The following CLCA2 variants were observed in gnomAD, a reference collection of about 807,000 sequenced individuals.
CLCA2 encodes chloride channel accessory 2.
Under a neutral mutation model 82.9 loss-of-function variants are expected in CLCA2, and 85 were observed. That is an observed-to-expected ratio of 1.03 (90% CI 0.86 to 1.23). The LOEUF is 1.23. Ranked by LOEUF, CLCA2 falls within the 50% of genes most tolerant of loss-of-function variation. The pLI is 0.00. For missense variants in CLCA2, 1,089 were observed against 1,124.8 expected (o/e 0.97, Z 0.45); for synonymous variants, 421 against 391.7 (o/e 1.07, Z -0.88).
intron 6 of CLCA2, among the ~76,000 whole-genome samples, chr1:86,437,115 A>G (rs897554089): frequency 4.6e-5 from 7 of 152,226 alleles, no homozygotes; most frequent in African/African-American, 1.7e-4. Context: ...GGTACTTGAG[A>G]GTATCATCTG....
At position 86,434,711 on chromosome 1, in the gene CLCA2, G is replaced by T. The variant is rs923840689; in HGVS notation, c.938G>T (p.Cys313Phe). The T allele has an allele frequency of 1.2e-6, 2 of 1,613,988 alleles. No individual in the cohort carries two copies. The highest frequency in any genetic ancestry group is 2.7e-5 in the African/African-American group (2 of 75,044). ...SLVQAGDKVV[C>F]LVLDVSSKMA... ...GTACAGGCTGGTGACAAAGTGGTCT[G>T]TTTAGTGCTGGATGTGTCCAGCAAG... The change falls in exon 6 of 14, where the codon TGT becomes TTT. Residue 313 changes from cysteine (C) to phenylalanine (F), a missense_variant. By Grantham distance (205) the Cys-to-Phe change is radical (BLOSUM62 -2). Coordinates refer to ENST00000370565, the MANE Select transcript of CLCA2 (RefSeq NM_006536.7).
intron 12 of CLCA2, 51 bp from the exon 13 acceptor site, chr1:86,453,318 C>A: frequency 1.4e-6 from 2 of 1,424,818 alleles, no homozygotes; most frequent in Non-Finnish European, 2.0e-6. Flanking sequence ...ACAAGCTATT[C>A]AGAAGCTTTG....
At chr1:86,444,870 A>G (rs1662813565) in intron 10 of CLCA2, among the ~76,000 whole-genome samples, 1 of 129,320 alleles carries the variant, frequency 7.7e-6, no homozygotes, top group South Asian at 2.7e-4. Flanking sequence ...ATGCTGCCCC[A>G]CCCCCACTTT....
chr1:86,449,338 C>G (rs902527248), intron 11 of CLCA2, among the ~76,000 whole-genome samples: 2 of 152,194 alleles, frequency 1.3e-5, no homozygotes, highest in African/African-American at 4.8e-5. Context: ...TACTAAGTGA[C>G]AGATGCAGGC....
intron 2 of CLCA2, 119 bp from the exon 3 acceptor site, chr1:86,428,299 A>T: frequency 1.1e-6 from 1 of 924,018 alleles, no homozygotes; most frequent in Non-Finnish European, 1.5e-6. Context: ...GGTTATAATT[A>T]CATACAATAA....
At chr1:86,429,136 A>G (rs1662445064) in intron 3 of CLCA2, among the ~76,000 whole-genome samples, 1 of 152,136 alleles carries the variant, frequency 6.6e-6, no homozygotes, top group South Asian at 2.1e-4. Flanking sequence ...TCCTCTGATC[A>G]ATGAAGGAGA....
In CLCA2 at chr1:86,441,528, C is replaced by A; in HGVS notation, c.1473C>A (p.Phe491Leu). The change falls in exon 9 of 14, where the codon TTC (phenylalanine) becomes TTA (leucine). Residue 491 changes from phenylalanine to leucine, a missense_variant. By Grantham distance (22) the Phe-to-Leu change is conservative. Transcript: ENST00000370565. ...SRISSGTGDI[F>L]QQHIQLESTG... is the part of the protein sequence containing the mutation. ...TTTCCTCTGGAACTGGAGACATTTT[C>A]CAGCAACATATTCAGGTCAGAATTT... is the stretch of plus-strand genomic sequence containing the variant. 1 of 1,609,024 alleles carries A rather than the reference C, an allele frequency of 6.2e-7. No individual in the cohort carries two copies. The highest frequency in any genetic ancestry group is 8.5e-7 in the Non-Finnish European group (1 of 1,175,928).
intron 7 of CLCA2, 56 bp downstream of exon 7, chr1:86,439,162 G>T: frequency 6.5e-7 from 1 of 1,530,884 alleles, no homozygotes; most frequent in Non-Finnish European, 9.0e-7. Context: ...CCCTCTTTTA[G>T]TATACGAGGT....
At chr1:86,430,593 C>G (rs1312289469) in intron 3 of CLCA2, among the ~76,000 whole-genome samples, 1 of 152,182 alleles carries the variant, frequency 6.6e-6, no homozygotes, top group Non-Finnish European at 1.5e-5. Context: ...GGACTACTCA[C>G]TAGCTTCAAA....
chr1:86,445,496 G>T (rs1397052179), intron 10 of CLCA2: 1 of 151,140 alleles, frequency 6.6e-6, no homozygotes, highest in African/African-American at 2.4e-5. Flanking sequence ...AAGGTCAAAG[G>T]CAACAATAAA....
rs2101715706 is a variant in CLCA2 at position 86,455,348 on chromosome 1, C to T, written c.2653C>T (p.Pro885Ser). Residue 885 changes from proline (P) to serine (S), a missense_variant, in exon 14 of 14, where the codon CCT (proline) becomes TCT (serine). Transcript: ENST00000370565. ...TGCTGTATCTAACATTGCCCAGGCGCCTCTGTTTATTCCCCCCAATTCTGA... is the reference window on the plus strand; with the variant it reads ...TGCTGTATCTAACATTGCCCAGGCGTCTCTGTTTATTCCCCCCAATTCTGA... ...QSAVSNIAQAPLFIPPNSDPV... is the reference protein window; with the variant it reads ...QSAVSNIAQASLFIPPNSDPV... 6.2e-7 allele frequency: 1 copy of T among 1,612,462 alleles called. No individual in the cohort carries two copies. Among genetic ancestry groups the T allele is most frequent in the Non-Finnish European group, 8.5e-7 (1 of 1,179,450 alleles).
chr1:86,428,851 C>A (rs968839013), intron 3 of CLCA2, among the ~76,000 whole-genome samples: 6 of 152,098 alleles, frequency 3.9e-5, no homozygotes. Flanking sequence ...AGGAAAAGGT[C>A]TTCAAGATTG....
intron 5 of CLCA2, 43 bp from the exon 6 acceptor site, chr1:86,434,475 G>A (rs765953598): frequency 3.6e-5 from 55 of 1,509,848 alleles, no homozygotes; most frequent in Non-Finnish European, 4.7e-5. Flanking sequence ...TGTTTGCTTT[G>A]GGAGAAGTGC....
In CLCA2 at chr1:86,432,049, C is replaced by T. The variant is rs1265785408; in HGVS notation, c.585-320C>T. ...CACCTGGGTTCAAGCAATTCTCCTG[C>T]GTCAGCCTCCTCAGTAGCTAGGATT... On this transcript the variant is annotated intron_variant, in intron 4 of 13. Coordinates refer to ENST00000370565, the MANE Select transcript of CLCA2 (RefSeq NM_006536.7). 2.0e-5 allele frequency among the ~76,000 whole-genome samples: 3 copies of T among 152,252 alleles called. No homozygotes were observed. In the East Asian group the frequency reaches 5.8e-4, roughly 29 times the overall value.
intron 6 of CLCA2, among the ~76,000 whole-genome samples, chr1:86,436,396 T>C (rs1201100814): frequency 6.6e-6 from 1 of 152,230 alleles, no homozygotes; most frequent in Non-Finnish European, 1.5e-5. Context: ...TCCTTTATTT[T>C]ATTCTTCATC....
At chr1:86,441,152 C>T (rs1057510091) in intron 8 of CLCA2, among the ~76,000 whole-genome samples, 1 of 152,058 alleles carries the variant, frequency 6.6e-6, no homozygotes, top group Non-Finnish European at 1.5e-5. Flanking sequence ...CTTAAAATTA[C>T]CTTAATCTGA....
At chr1:86,451,206 T>C (rs2101712075) in intron 12 of CLCA2, among the ~76,000 whole-genome samples, 1 of 152,156 alleles carries the variant, frequency 6.6e-6, no homozygotes, top group East Asian at 1.9e-4. Flanking sequence ...CCTGAAGATG[T>C]TTTGCTTTTC....
chr1:86,446,425 C>A (rs955237251), intron 10 of CLCA2, among the ~76,000 whole-genome samples: 2 of 152,092 alleles, frequency 1.3e-5, no homozygotes, highest in Non-Finnish European at 2.9e-5. Flanking sequence ...TTACCTACTT[C>A]TTGCTCCCCT....
In CLCA2 at chr1:86,455,415, T is replaced by A. The variant is rs1198198216; in HGVS notation, c.2720T>A (p.Leu907Ter). Residue 907 changes from leucine (L) to a stop codon, truncating the protein, a stop_gained, in exon 14 of 14, where the codon TTA becomes TAA. Coordinates refer to ENST00000370565, the MANE Select transcript of CLCA2 (RefSeq NM_006536.7). LOFTEE classifies it low-confidence loss of function (END_TRUNC). The stretch of plus-strand genomic sequence containing the variant: ...GATTATCTTATATTGAAAGGAGTTT[T>A]AACAGCAATGGGTTTGATAGGAATC... ...ARDYLILKGVLTAMGLIGIIC... is the reference protein window; with the variant it reads ...ARDYLILKGV 6.2e-7 allele frequency: 1 copy of A among 1,607,580 alleles called. No individual in the cohort carries two copies. Among genetic ancestry groups the A allele is most frequent in the Admixed American group, 1.7e-5 (1 of 58,338 alleles).
Sources: gnomAD v4.1 joint callset for allele counts (sites outside exome capture counted in the v4.1 genomes callset) on GRCh38, gnomAD v4.1.1 for gene constraint, MANE v1.5 for transcripts, NCBI Gene and HGNC (gene_info 2026-07-23, HGNC 2026-07-21) for gene names.